DNAH7: variants seen among roughly 807,000 people sequenced by gnomAD.
The protein encoded by DNAH7 is axonemal beta dynein heavy chain 7.
A neutral mutation model predicts 444.6 loss-of-function variants in DNAH7; 397 were observed. The ratio of observed to expected loss-of-function variants is 0.89; its 90% CI spans 0.82 to 0.97. DNAH7 has a LOEUF of 0.97. DNAH7 is among the 50% of genes least tolerant of loss of function. The pLI, the probability that DNAH7 is intolerant of heterozygous loss-of-function variation, is 0.00. For synonymous variants in DNAH7, 1,636 were observed against 1,624.4 expected (o/e 1.01, Z -0.17); for missense variants, 4,902 against 4,800.8 (o/e 1.02, Z -0.62).
intron 51 of DNAH7, among the ~76,000 whole-genome samples, chr2:195,811,941 T>C (rs879750862): frequency 2.0e-5 from 3 of 152,234 alleles, no homozygotes; most frequent in Non-Finnish European, 4.4e-5. Context: ...TTTAGTTTAC[T>C]AGCCATGATA....
intron 9 of DNAH7, among the ~76,000 whole-genome samples, chr2:196,017,177 G>A (rs1695081955): frequency 6.6e-6 from 1 of 151,896 alleles, no homozygotes; most frequent in Non-Finnish European, 1.5e-5. Flanking sequence ...ACCACACCCA[G>A]CTAATTTTTG....
intron 48 of DNAH7, among the ~76,000 whole-genome samples, chr2:195,831,882 G>T (rs1011151149): frequency 6.6e-6 from 1 of 152,100 alleles, no homozygotes. Context: ...TAGTTAAGGG[G>T]TAGTTAACTA....
At chr2:195,930,261 G>C (rs536437752) in intron 21 of DNAH7, among the ~76,000 whole-genome samples, 3 of 152,258 alleles carry the variant, frequency 2.0e-5, no homozygotes, top group Admixed American at 1.3e-4. Flanking sequence ...AGAATTGCTT[G>C]AATCCAGGAG....
intron 53 of DNAH7, among the ~76,000 whole-genome samples, chr2:195,807,208 G>A (rs1266853410): frequency 2.0e-5 from 3 of 151,688 alleles, no homozygotes; most frequent in African/African-American, 7.3e-5. Context: ...CCAGGCTGGA[G>A]TACAGTGGTG....
At chr2:195,797,449 A>G (rs1476027135) in intron 55 of DNAH7, among the ~76,000 whole-genome samples, 1 of 152,168 alleles carries the variant, frequency 6.6e-6, no homozygotes. Flanking sequence ...CTGTTTCTGG[A>G]AGAAGAGGAG....
At chr2:196,063,634 G>A (rs530924326) in intron 1 of DNAH7, 1 of 152,386 alleles carries the variant, frequency 6.6e-6, no homozygotes, top group South Asian at 2.1e-4. Context: ...TTTTTCCTCA[G>A]TGGGCCAGCG....
chr2:195,855,215 G>T lies in DNAH7; in HGVS notation c.8595+596C>A, dbSNP rs1699622218. The stretch of plus-strand genomic sequence containing the variant: ...ACATAATAAGCATTCAATAAATGTT[G>T]ACTGTTATAAAATATTATGAATTTC... On this transcript the variant is annotated intron_variant, in intron 45 of 64. Transcript: ENST00000312428. Among the ~76,000 whole-genome samples, 4 of 152,096 alleles carry T rather than the reference G, an allele frequency of 2.6e-5. No homozygotes were observed. In the South Asian group the frequency reaches 8.3e-4, roughly 32 times the overall value.
At chr2:195,844,524 G>A (rs1698871232) in intron 47 of DNAH7, among the ~76,000 whole-genome samples, 1 of 152,080 alleles carries the variant, frequency 6.6e-6, no homozygotes, top group East Asian at 1.9e-4. Flanking sequence ...CTACTAACCA[G>A]GAAACTACAG....
intron 12 of DNAH7, among the ~76,000 whole-genome samples, chr2:195,990,970 C>CATATATATACTTAAATATATATAT (rs1559310703): frequency 7.5e-6 from 1 of 133,524 alleles, no homozygotes; most frequent in Non-Finnish European, 1.6e-5. Context: ...AATATATATA[C>CATATATATACTTAAATATATATAT]ATATATATAT....
At chr2:196,012,681 T>C in intron 10 of DNAH7, 106 bp downstream of exon 10, 1 of 1,154,108 alleles carries the variant, frequency 8.7e-7, no homozygotes, top group Admixed American at 2.6e-5. Flanking sequence ...CATGTAGAAA[T>C]GATTTAAAAC....
intron 2 of DNAH7, among the ~76,000 whole-genome samples, chr2:196,053,059 A>G (rs1697580774): frequency 6.6e-6 from 1 of 152,260 alleles, no homozygotes; most frequent in South Asian, 2.1e-4. Context: ...TTCAGAACAG[A>G]TCTATAACAT....
intron 46 of DNAH7, among the ~76,000 whole-genome samples, chr2:195,851,837 C>T (rs1481661360): frequency 6.6e-6 from 1 of 152,168 alleles, no homozygotes; most frequent in African/African-American, 2.4e-5. Flanking sequence ...GTGGCTGAAG[C>T]TACTCCTTTT....
intron 61 of DNAH7, among the ~76,000 whole-genome samples, chr2:195,762,940 C>A (rs1253982751): frequency 6.6e-6 from 1 of 152,016 alleles, no homozygotes; most frequent in African/African-American, 2.4e-5. Context: ...TAACTCAGCA[C>A]GTGGATCGTT....
intron 12 of DNAH7, among the ~76,000 whole-genome samples, chr2:195,990,811 G>GTGTGTGTGTGTGTGTGTA (rs1553600568): frequency 1.1e-4 from 9 of 80,066 alleles, no homozygotes; most frequent in African/African-American, 3.4e-4. Flanking sequence ...GTGTGTGTGT[G>GTGTGTGTGTGTGTGTGTA]TATATATATA....
In DNAH7 at chr2:195,999,163, G is replaced by C. The variant is rs964009747; in HGVS notation, c.1353+1541C>G. 3 of 717,448 alleles carry C rather than the reference G, an allele frequency of 4.2e-6. No homozygotes were observed. The South Asian group carries it at 4.4e-5, about 11-fold the overall frequency. The allele number at this position is 717,448 out of a possible 1,614,324, so 44.4% of individuals were successfully genotyped here. A position where few individuals can be genotyped will look rare whatever the true frequency, so the allele number is the denominator to read the frequency against. On this transcript the variant is annotated intron_variant, in intron 12 of 64. Coordinates refer to ENST00000312428, the MANE Select transcript of DNAH7 (RefSeq NM_018897.3). ...AATCTTAAAATGAGAGTTCTGAGGAGACGAAACTTCAGAATGCTGAAAGGT... is the reference window on the plus strand; with the variant it reads ...AATCTTAAAATGAGAGTTCTGAGGACACGAAACTTCAGAATGCTGAAAGGT...
intron 15 of DNAH7, among the ~76,000 whole-genome samples, chr2:195,980,854 CAAT>C (rs1692527705): frequency 6.7e-6 from 1 of 150,218 alleles, no homozygotes; most frequent in Non-Finnish European, 1.5e-5. Context: ...CAGGAGGACA[CAAT>C]AAAAACCACA....
intron 54 of DNAH7, among the ~76,000 whole-genome samples, chr2:195,805,089 C>T (rs1026256617): frequency 3.3e-5 from 5 of 151,930 alleles, no homozygotes; most frequent in Non-Finnish European, 5.9e-5. Context: ...AGAGAGTGAA[C>T]GTAGAAAGAG....
chr2:195,769,486 C>A (rs1229790876), intron 61 of DNAH7, among the ~76,000 whole-genome samples: 1 of 152,028 alleles, frequency 6.6e-6, no homozygotes, highest in East Asian at 1.9e-4. Flanking sequence ...GTCAAAACAA[C>A]CTTGACATTA....
At chr2:195,895,872 C>T (rs1314061386) in intron 29 of DNAH7, among the ~76,000 whole-genome samples, 1 of 152,144 alleles carries the variant, frequency 6.6e-6, no homozygotes, top group African/African-American at 2.4e-5. Context: ...TCAAACATGT[C>T]ACAGCAGGTA....
Sources: allele counts gnomAD v4.1 joint callset (sites outside exome capture counted in the v4.1 genomes callset), GRCh38; gene constraint gnomAD v4.1.1; transcripts MANE v1.5; gene names NCBI Gene and HGNC (gene_info 2026-07-23, HGNC 2026-07-21).